Variants in C1orf167 observed in about 807,000 individuals in gnomAD.
C1orf167 encodes the protein chromosome 1 open reading frame 167, also known as uncharacterized protein C1orf167.
C1orf167 carries 153 observed loss-of-function variants against 176.5 expected under a neutral mutation model. The ratio of observed to expected loss-of-function variants is 0.87; its 90% CI spans 0.76 to 0.99. The LOEUF is 0.99. Among genes scored for constraint, C1orf167 ranks in the 50% least tolerant of loss-of-function variants. C1orf167 has a pLI of 0.00. For synonymous variants in C1orf167, 594 were observed against 752.7 expected, an observed-to-expected ratio of 0.79 and a Z score of 3.45; for missense variants, 1,490 against 1,817.7, an observed-to-expected ratio of 0.82 and a Z score of 3.28.
intron 19 of C1orf167, 33 bp from the exon 20 acceptor site, chr1:11,788,619 A>G (rs1643975645): frequency 2.3e-6 from 3 of 1,298,046 alleles, no homozygotes; most frequent in Non-Finnish European, 3.1e-6. Flanking sequence ...GAGCGTGAGC[A>G]CAAGAGGCCT....
At position 11,785,297 on chromosome 1, in the gene C1orf167, C is replaced by T; in HGVS notation, c.3567+8C>T. The T allele has an allele frequency of 2.3e-6, 3 of 1,282,232 alleles. No individual in the cohort carries two copies. Among genetic ancestry groups the T allele is most frequent in the Non-Finnish European group, 3.1e-6 (3 of 982,544 alleles). 79.4% of individuals were successfully genotyped at this position (1,282,232 alleles called of 1,614,324 possible). On this transcript the variant is annotated splice_region_variant and intron_variant, in intron 16 of 20. Transcript: ENST00000688073. ...CTGCCAGGGGCCGGCAAGGTACGCC[C>T]CAAGCCCCAGACTGACCTCACGCTC...
Position 11,768,170 on chromosome 1 carries a change from G to A in C1orf167, c.1437G>A (p.Trp479Ter), listed in dbSNP as rs1181650047. ...CGGCGGCAGTGGCACTGGGCCGCTG[G>A]CAGCTGTTGCGAAAGTGCCTTCAGG... ...PAAAAVALGR[W>*]QLLRKCLQAL... The change falls in exon 5 of 21, where the codon TGG (tryptophan) becomes TGA (stop). Residue 479 changes from tryptophan to a stop codon, truncating the protein, a stop_gained. Coordinates refer to ENST00000688073, the MANE Select transcript of C1orf167 (RefSeq NM_001010881.2). LOFTEE classifies it high-confidence loss of function. This position sits in a 1 kb window ranked among gnomAD's most constrained non-coding sequence, Gnocchi z 4.5. The A allele has an allele frequency of 6.2e-6, 8 of 1,288,004 alleles. No individual in the cohort carries two copies. The Admixed American group carries it at 1.4e-4, about 22-fold the overall frequency. The allele number at this position is 1,288,004 out of a possible 1,614,324, so 79.8% of individuals were successfully genotyped here.
At chr1:11,765,106 A>G (rs1642727758) in intron 2 of C1orf167, among the ~76,000 whole-genome samples, 1 of 151,672 alleles carries the variant, frequency 6.6e-6, no homozygotes, top group Non-Finnish European at 1.5e-5. Context: ...CCAGCCAAGA[A>G]GGGGAGCAGC....
intron 18 of C1orf167, 36 bp from the exon 19 acceptor site, chr1:11,788,113 C>T: frequency 7.8e-7 from 1 of 1,276,812 alleles, no homozygotes; most frequent in Middle Eastern, 2.2e-4. Context: ...AGGGGCTTGC[C>T]TGAGCCATGG....
At position 11,788,697 on chromosome 1, in the gene C1orf167, C is replaced by T. The variant is rs533425321; in HGVS notation, c.4124C>T (p.Ala1375Val). ...ATGGGCCTGGCAGACGTGGTGGCAG[C>T]GGATCCTGCGACTGCGAGTGGCTCA... is the stretch of plus-strand genomic sequence containing the variant. Reference protein sequence around the residue: ...PEMGLADVVAADPATASGSAV... With the variant: ...PEMGLADVVAVDPATASGSAV... The change falls in exon 20 of 21, where the codon GCG becomes GTG. Residue 1375 changes from alanine (A) to valine (V), a missense_variant. Physicochemically the swap from Ala to Val is moderately conservative, Grantham distance 64. Transcript: ENST00000688073. 1.7e-4 allele frequency: 222 copies of T among 1,304,222 alleles called. No homozygotes were observed. The African/African-American group carries it at 2.9e-3, about 17-fold the overall frequency. 80.8% of individuals were successfully genotyped at this position (1,304,222 alleles called of 1,614,324 possible).
chr1:11,774,853 T>C (rs1187689063), intron 8 of C1orf167, among the ~76,000 whole-genome samples: 2 of 152,064 alleles, frequency 1.3e-5, no homozygotes, highest in African/African-American at 2.4e-5. Context: ...AGGAAATGAC[T>C]GGAGGAGGCC....
Position 11,766,178 on chromosome 1 carries a change from G to A in C1orf167, c.392G>A (p.Ser131Asn). Residue 131 changes from serine to asparagine, a missense_variant, in exon 3 of 21, where the codon AGC becomes AAC. By Grantham distance (46) the Ser-to-Asn change is conservative. Transcript: ENST00000688073. The surrounding 1 kb of genome is among the most constrained non-coding windows in gnomAD (Gnocchi z 4.5). Reference protein sequence around the residue: ...QQSNLSINETSSPHLCPEPGG... With the variant: ...QQSNLSINETNSPHLCPEPGG... ...AGCAACCTGAGCATCAACGAGACCA[G>A]CAGCCCCCACCTCTGCCCAGAGCCT... 1 of 1,289,832 alleles carries A rather than the reference G, an allele frequency of 7.8e-7. No homozygotes were observed. The highest frequency in any genetic ancestry group is 1.0e-6 in the Non-Finnish European group (1 of 988,848). The allele number at this position is 1,289,832 out of a possible 1,614,324, so 79.9% of individuals were successfully genotyped here.
At chr1:11,780,843 G>A (rs1310408171) in intron 13 of C1orf167, among the ~76,000 whole-genome samples, 2 of 152,032 alleles carry the variant, frequency 1.3e-5, no homozygotes, top group Non-Finnish European at 2.9e-5. Context: ...ATAGGGCAGT[G>A]GGAAGGACTG....
Position 11,788,749 on chromosome 1 carries a change from G to A in C1orf167, c.4173+3G>A, listed in dbSNP as rs1254124682. Reference sequence around the variant, plus strand: ...CAGTTACAGCAGCAGGAAGATGGGTGGGTCCTTTCCCAGGTACTGCCCTCT... The same window carrying A: ...CAGTTACAGCAGCAGGAAGATGGGTAGGTCCTTTCCCAGGTACTGCCCTCT... On this transcript the variant is annotated splice_donor_region_variant and intron_variant, in intron 20 of 20. Coordinates refer to ENST00000688073, the MANE Select transcript of C1orf167 (RefSeq NM_001010881.2). 1 of 1,304,116 alleles carries A rather than the reference G, an allele frequency of 7.7e-7. No homozygotes were observed. Among genetic ancestry groups the A allele is most frequent in the South Asian group, 1.2e-5 (1 of 81,038 alleles). 80.8% of individuals were successfully genotyped at this position (1,304,116 alleles called of 1,614,324 possible).
At chr1:11,765,789 C>CT in intron 2 of C1orf167, 68 bp from the exon 3 acceptor site, 2 of 1,169,686 alleles carry the variant, frequency 1.7e-6, no homozygotes, top group Non-Finnish European at 2.2e-6. Flanking sequence ...GCTCCGAGGC[C>CT]TGGAGAGCTT....
intron 2 of C1orf167, 115 bp from the exon 3 acceptor site, chr1:11,765,742 A>T: frequency 9.9e-7 from 1 of 1,005,368 alleles, no homozygotes; most frequent in Non-Finnish European, 1.3e-6. Context: ...TGGAAGTCTT[A>T]GCTCCCTCCC....
intron 8 of C1orf167, 131 bp downstream of exon 8, chr1:11,772,390 G>A (rs930417797): frequency 3.9e-5 from 31 of 786,980 alleles, no homozygotes; most frequent in Admixed American, 3.8e-5. Context: ...TCAGCCTCTC[G>A]AGTAGCTGGG....
chr1:11,764,504 C>T, intron 2 of C1orf167, 34 bp downstream of exon 2: 4 of 1,285,114 alleles, frequency 3.1e-6, no homozygotes, highest in East Asian at 5.6e-5. Context: ...TGGGCAGTTA[C>T]AGGAGCAGGG....
chr1:11,772,673 G>A (rs892960689), intron 8 of C1orf167, among the ~76,000 whole-genome samples: 64 of 152,136 alleles, frequency 4.2e-4, no homozygotes, highest in African/African-American at 1.5e-3. Flanking sequence ...ATGCTAGCCC[G>A]CCCCACTGGC....
At chr1:11,771,145 C>G (rs1242224376) in intron 6 of C1orf167, among the ~76,000 whole-genome samples, 1 of 137,882 alleles carries the variant, frequency 7.3e-6, no homozygotes, top group Non-Finnish European at 1.5e-5. Context: ...TCTCAAACTC[C>G]TGGCTTCAAG....
In C1orf167 at chr1:11,771,589, A is replaced by G; in HGVS notation, c.1763A>G (p.Asp588Gly). ...RLLSHPRQRT[D>G]SRHERVQILQ... ...CTGTCACATCCTAGGCAGAGAACAG[A>G]CAGCAGACACGAGAGAGTCCAGATC... The change falls in exon 7 of 21, where the codon GAC becomes GGC. Residue 588 changes from aspartate (D) to glycine (G), a missense_variant. Asp to Gly is a moderately conservative substitution (Grantham distance 94). Transcript: ENST00000688073. 1.6e-6 allele frequency: 2 copies of G among 1,289,824 alleles called. No homozygotes were observed. The highest frequency in any genetic ancestry group is 2.0e-6 in the Non-Finnish European group (2 of 988,870). 79.9% of individuals were successfully genotyped at this position (1,289,824 alleles called of 1,614,324 possible).
At position 11,768,196 on chromosome 1, in the gene C1orf167, C is replaced by T. The variant is rs1305370501; in HGVS notation, c.1463C>T (p.Ala488Val). Residue 488 changes from alanine to valine, a missense_variant, in exon 5 of 21, where the codon GCC (alanine) becomes GTC (valine). Coordinates refer to ENST00000688073, the MANE Select transcript of C1orf167 (RefSeq NM_001010881.2). The surrounding 1 kb of genome is among the most constrained non-coding windows in gnomAD (Gnocchi z 4.5). Reference protein sequence around the residue: ...RWQLLRKCLQALWLREAQLEA... With the variant: ...RWQLLRKCLQVLWLREAQLEA... ...CAGCTGTTGCGAAAGTGCCTTCAGG[C>T]CTTGTGGCTCCGGGAGGCTCAGCTG... The T allele has an allele frequency of 1.6e-6, 2 of 1,289,638 alleles. No homozygotes were observed. Among genetic ancestry groups the T allele is most frequent in the Non-Finnish European group, 2.0e-6 (2 of 988,770 alleles). The allele number at this position is 1,289,638 out of a possible 1,614,324, so 79.9% of individuals were successfully genotyped here. A position where few individuals can be genotyped will look rare whatever the true frequency, so the allele number is the denominator to read the frequency against.
rs138762021 is a variant in C1orf167, at chr1:11,770,037, G to T, written c.1697+910G>T. ...ATTTGAAAAATATTCCAAATAGTTGGAAGTCTATTAATTAACTTGAAAGCT... is the reference window on the plus strand; with the variant it reads ...ATTTGAAAAATATTCCAAATAGTTGTAAGTCTATTAATTAACTTGAAAGCT... On this transcript the variant is annotated intron_variant, in intron 6 of 20. Transcript: ENST00000688073. Among the ~76,000 whole-genome samples, 54 of 152,062 alleles carry T rather than the reference G, an allele frequency of 3.6e-4. No homozygotes were observed. The East Asian group carries it at 0.01, about 29-fold the overall frequency.
chr1:11,768,294 G>C lies in C1orf167; in HGVS notation c.1542+19G>C. The C allele has an allele frequency of 7.8e-7, 1 of 1,288,860 alleles. No homozygotes were observed. The highest frequency in any genetic ancestry group is 1.0e-6 in the Non-Finnish European group (1 of 988,076). The allele number at this position is 1,288,860 out of a possible 1,614,324, so 79.8% of individuals were successfully genotyped here. A position where few individuals can be genotyped will look rare whatever the true frequency, so the allele number is the denominator to read the frequency against. On this transcript the variant is annotated intron_variant, in intron 5 of 20. Transcript: ENST00000688073. This position sits in a 1 kb window ranked among gnomAD's most constrained non-coding sequence, Gnocchi z 4.5. The stretch of plus-strand genomic sequence containing the variant: ...CCGAGAGGTCAGCGGTCTCCAGGTT[G>C]GGCCAGGGGGCCGTGTGAAGCAGTG...
Sources: gnomAD v4.1 joint callset for allele counts (sites outside exome capture counted in the v4.1 genomes callset) on GRCh38, gnomAD v4.1.1 for gene constraint, Gnocchi (gnomAD v3.1) non-coding constraint, MANE v1.5 for transcripts, NCBI Gene and HGNC (gene_info 2026-07-23, HGNC 2026-07-21) for gene names.